The following ABCA2 variants were observed in gnomAD, a reference collection of about 807,000 sequenced individuals.
ABCA2 encodes ATP-binding cassette sub-family A member 2.
In ABCA2, 84 loss-of-function variants were observed where a neutral mutation model predicts 262.8. The observed-to-expected ratio is 0.32, with a 90% CI of 0.27 to 0.38. The LOEUF (loss-of-function observed/expected upper bound fraction) is 0.38, where lower values mean the gene tolerates loss of function less well. Ranked by LOEUF, ABCA2 falls within the 10% of genes least tolerant of loss-of-function variation. ABCA2 has a pLI of 1.00. For synonymous variants in ABCA2, 1,696 were observed against 1,502.9 expected (o/e 1.13, Z -2.97); for missense variants, 2,662 against 3,405.9 (o/e 0.78, Z 5.44).
chr9:137,021,309 C>T lies in ABCA2; in HGVS notation c.897+83G>A. ...CCACGCACAGCCTGGGCCCAGGAGC[C>T]CTGAGCTCTCCAAGCGGTCCCAGCC... On this transcript the variant is annotated intron_variant, in intron 8 of 48. Transcript: ENST00000341511. This position sits in a 1 kb window ranked among gnomAD's most constrained non-coding sequence, Gnocchi z 6.0. The T allele has an allele frequency of 1.3e-6, 2 of 1,522,516 alleles. No individual in the cohort carries two copies. Among genetic ancestry groups the T allele is most frequent in the Non-Finnish European group, 8.9e-7 (1 of 1,127,544 alleles). 94.3% of individuals were successfully genotyped at this position (1,522,516 alleles called of 1,614,324 possible). A position where few individuals can be genotyped will look rare whatever the true frequency, so the allele number is the denominator to read the frequency against.
At position 137,011,449 on chromosome 9, in the gene ABCA2, G is replaced by A. The variant is rs999967423; in HGVS notation, c.5757C>T (p.Ala1919=). Reference sequence around the variant, plus strand: ...GCTGTAGCAGGAAGGTGGCCACGGTGGCGGTGATGCCGATGAAGAGATTGA... The same window carrying A: ...GCTGTAGCAGGAAGGTGGCCACGGTAGCGGTGATGCCGATGAAGAGATTGA... ...IVINLFIGIT[A]TVATFLLQLF... is the part of the protein sequence containing the mutation. Residue 1919 remains alanine (A), a synonymous_variant, in exon 37 of 49, where the codon GCC becomes GCT. Transcript: ENST00000341511. This position sits in a 1 kb window ranked among gnomAD's most constrained non-coding sequence, Gnocchi z 8.8. 3 of 1,611,074 alleles carry A rather than the reference G, an allele frequency of 1.9e-6. No individual in the cohort carries two copies. The highest frequency in any genetic ancestry group is 2.2e-5 in the South Asian group (2 of 90,812).
In ABCA2 at chr9:137,021,991, A is replaced by G; in HGVS notation, c.578T>C (p.Leu193Pro). 7.6e-7 allele frequency: 1 copy of G among 1,316,350 alleles called. No individual in the cohort carries two copies. Among genetic ancestry groups the G allele is most frequent in the East Asian group, 3.2e-5 (1 of 31,360 alleles). 81.5% of individuals were successfully genotyped at this position (1,316,350 alleles called of 1,614,324 possible). The change falls in exon 7 of 49, where the codon CTG (leucine) becomes CCG (proline). Residue 193 changes from leucine to proline, a missense_variant. By Grantham distance (98) the Leu-to-Pro change is moderately conservative. This residue lies in a region of ABCA2 where 403 missense variants were observed against 375.9 expected (regional missense o/e 1.07). Coordinates refer to ENST00000341511, the MANE Select transcript of ABCA2 (RefSeq NM_001606.5). The surrounding 1 kb of genome is among the most constrained non-coding windows in gnomAD (Gnocchi z 6.0). ...CAGGGCAGATGAGGGACCAAAGAGC[A>G]GGTGGTAGACCTAGGAGGTGTGGGG... is the stretch of plus-strand genomic sequence containing the variant. Reference protein sequence around the residue: ...ARVDPPEVYHLLFGPSSALDS... With the variant: ...ARVDPPEVYHPLFGPSSALDS...
chr9:137,015,946 C>T lies in ABCA2; in HGVS notation c.3317+16G>A, dbSNP rs563175775. ...GCCTCCGCCCACCTGCCCCGCCCCC[C>T]GCCCAGCCCACCCACTTGTCCATCT... is the stretch of plus-strand genomic sequence containing the variant. On this transcript the variant is annotated intron_variant, in intron 22 of 48. Transcript: ENST00000341511. 3.3e-4 allele frequency: 162 copies of T among 484,336 alleles called. No homozygotes were observed. The highest frequency in any genetic ancestry group is 1.4e-3 in the East Asian group (24 of 16,630). The allele number at this position is 484,336 out of a possible 1,614,324, so 30.0% of individuals were successfully genotyped here.
chr9:137,028,608 C>G, upstream of ABCA2: 1 of 1,052,772 alleles, frequency 9.5e-7, no homozygotes, highest in African/African-American at 1.8e-5. This position sits in a 1 kb window ranked among gnomAD's most constrained non-coding sequence, Gnocchi z 6.9. Context: ...CCCAAGCCTT[C>G]ACTGTCCCCG....
Position 137,015,645 on chromosome 9 carries a change from G to A in ABCA2, c.3514+30C>T, listed in dbSNP as rs140948908. 3,872 of 1,609,688 alleles carry A rather than the reference G, an allele frequency of 2.4e-3. 4 individuals are homozygous for A. Among genetic ancestry groups the A allele is most frequent in the Non-Finnish European group, 2.9e-3 (3,449 of 1,178,630 alleles). ...TCAGGGGGCAGGGGAGGCGCCGCCC[G>A]CACCCCTGCCCACACGGCACCCCAC... On this transcript the variant is annotated intron_variant, in intron 23 of 48. Coordinates refer to ENST00000341511, the MANE Select transcript of ABCA2 (RefSeq NM_001606.5).
rs752036670 is a variant in ABCA2 at position 137,007,975 on chromosome 9, G to A, written c.7276-11C>T. On this transcript the variant is annotated splice_polypyrimidine_tract_variant and intron_variant, in intron 48 of 48. Transcript: ENST00000341511. The stretch of plus-strand genomic sequence containing the variant: ...GAAGGACAGCTGGGCCTGTGCACAG[G>A]GGAGGTCAGGCTTATGGGGCATCCT... 196 of 1,603,024 alleles carry A rather than the reference G, an allele frequency of 1.2e-4. No individual in the cohort carries two copies. The highest frequency in any genetic ancestry group is 1.6e-4 in the Non-Finnish European group (192 of 1,179,226).
At position 137,013,233 on chromosome 9, in the gene ABCA2, T is replaced by C; in HGVS notation, c.4636A>G (p.Lys1546Glu). 1 of 1,601,442 alleles carries C rather than the reference T, an allele frequency of 6.2e-7. No homozygotes were observed. The highest frequency in any genetic ancestry group is 8.5e-7 in the Non-Finnish European group (1 of 1,177,312). ...PSGVGATCVLKSPANGSLGPT... is the reference protein window; with the variant it reads ...PSGVGATCVLESPANGSLGPT... ...CCCAGCGAGCCGTTGGCGGGAGACTTGAGCACGCAGGTGGCACCCACCCCC... is the reference window on the plus strand; with the variant it reads ...CCCAGCGAGCCGTTGGCGGGAGACTCGAGCACGCAGGTGGCACCCACCCCC... The change falls in exon 30 of 49, where the codon AAG (lysine) becomes GAG (glutamate). Residue 1546 changes from lysine to glutamate, a missense_variant. This residue lies in a region of ABCA2 where 192 missense variants were observed against 207.2 expected (regional missense o/e 0.93). Transcript: ENST00000341511.
Position 137,013,936 on chromosome 9 carries a change from A to T in ABCA2, c.4343T>A (p.Phe1448Tyr). ...CTTGGAGTTGCGGCGGGCGCAGTGG[A>T]AGCGTTTGACCAGCAGCCCGTGGAA... ...RQFHGLLVKR[F>Y]HCARRNSKAL... is the part of the protein sequence containing the mutation. The change falls in exon 28 of 49, where the codon TTC becomes TAC. Residue 1448 changes from phenylalanine (F) to tyrosine (Y), a missense_variant. Physicochemically the swap from Phe to Tyr is conservative, Grantham distance 22. This residue lies in a region of ABCA2 where 75 missense variants were observed against 118.3 expected (regional missense o/e 0.63). Transcript: ENST00000341511. The T allele has an allele frequency of 6.2e-7, 1 of 1,610,612 alleles. No homozygotes were observed. The highest frequency in any genetic ancestry group is 1.1e-5 in the South Asian group (1 of 90,894).
intron 10 of ABCA2, 110 bp downstream of exon 10, chr9:137,020,226 G>C: frequency 6.8e-7 from 1 of 1,466,744 alleles, no homozygotes; most frequent in East Asian, 2.3e-5. Flanking sequence ...GCTGCACCCC[G>C]TACCCCTCCC....
At position 137,013,303 on chromosome 9, in the gene ABCA2, G is replaced by A. The variant is rs534868005; in HGVS notation, c.4566C>T (p.Pro1522=). Residue 1522 remains proline (P), a synonymous_variant, in exon 30 of 49, where the codon CCC becomes CCT. Transcript: ENST00000341511. ...ERREYRLRLS[P]DASPQQLVST... ...TCACGAGCTGCTGGGGGCTGGCGTC[G>A]GGCGATAGCCGCAGCCTGCGGGCAC... The A allele has an allele frequency of 1.5e-5, 23 of 1,558,474 alleles. No homozygotes were observed. Among genetic ancestry groups the A allele is most frequent in the African/African-American group, 1.4e-4 (10 of 73,922 alleles).
At chr9:137,017,464 G>A (rs1157522380) in intron 17 of ABCA2, 38 bp downstream of exon 17, 10 of 1,597,236 alleles carry the variant, frequency 6.3e-6, no homozygotes, top group Non-Finnish European at 8.6e-6. Flanking sequence ...CTGGGCAAGT[G>A]CCTGCCCCAG....
chr9:137,021,409 C>G lies in ABCA2; in HGVS notation c.880G>C (p.Ala294Pro), dbSNP rs764716935. Residue 294 changes from alanine to proline, a missense_variant, in exon 8 of 49, where the codon GCC becomes CCC. By Grantham distance (27) the Ala-to-Pro change is conservative (BLOSUM62 -1). Coordinates refer to ENST00000341511, the MANE Select transcript of ABCA2 (RefSeq NM_001606.5). The surrounding 1 kb of genome is among the most constrained non-coding windows in gnomAD (Gnocchi z 6.0). The stretch of plus-strand genomic sequence containing the variant: ...GGCCTCACCTGCTGGGAGACCTTGG[C>G]CACGTCCAGCTGGTTCCGGAGCTCA... Reference protein sequence around the residue: ...SAELRNQLDVAKVSQQLGLDA... With the variant: ...SAELRNQLDVPKVSQQLGLDA... 1.2e-6 allele frequency: 2 copies of G among 1,608,434 alleles called. No homozygotes were observed. Among genetic ancestry groups the G allele is most frequent in the Admixed American group, 3.3e-5 (2 of 60,006 alleles).
intron 26 of ABCA2, 83 bp from the exon 27 acceptor site, chr9:137,014,487 CCA>C: frequency 6.8e-7 from 1 of 1,479,594 alleles, no homozygotes; most frequent in Admixed American, 2.0e-5. Flanking sequence ...GGTCTTGACC[CCA>C]GTTCCCAGGC....
Position 137,013,069 on chromosome 9 carries a change from G to A in ABCA2, c.4800C>T (p.Asp1600=). Reference sequence around the variant, plus strand: ...GGTCCTCATCCGGGGACGCTGGCGAGTCAGATGGGGCGGGCGAGGGTGGGG... The same window carrying A: ...GGTCCTCATCCGGGGACGCTGGCGAATCAGATGGGGCGGGCGAGGGTGGGG... The part of the protein sequence containing the change: ...VPPPPSPAPS[D]SPASPDEDLQ... Residue 1600 remains aspartate (D), a synonymous_variant, in exon 30 of 49, where the codon GAC becomes GAT. Transcript: ENST00000341511. The A allele has an allele frequency of 6.4e-7, 1 of 1,563,066 alleles. No individual in the cohort carries two copies. Among genetic ancestry groups the A allele is most frequent in the South Asian group, 1.2e-5 (1 of 86,262 alleles).
chr9:137,013,310 A>T lies in ABCA2; in HGVS notation c.4559T>A (p.Leu1520Gln), dbSNP rs558060755. 12 of 1,552,688 alleles carry T rather than the reference A, an allele frequency of 7.7e-6. No homozygotes were observed. The South Asian group carries it at 1.1e-4, about 14-fold the overall frequency. Residue 1520 changes from leucine to glutamine, a missense_variant, in exon 30 of 49, where the codon CTA becomes CAA. This residue lies in a region of ABCA2 where 192 missense variants were observed against 207.2 expected (regional missense o/e 0.93). Transcript: ENST00000341511. ...NEERREYRLR[L>Q]SPDASPQQLV... Reference sequence around the variant, plus strand: ...CTGCTGGGGGCTGGCGTCGGGCGATAGCCGCAGCCTGCGGGCACCGACAGT... The same window carrying T: ...CTGCTGGGGGCTGGCGTCGGGCGATTGCCGCAGCCTGCGGGCACCGACAGT...
rs534251461 is a variant in ABCA2, at chr9:137,016,433, G to A, written c.2962C>T (p.Pro988Ser). ...AGTTTGTCCACGCAGACAACCAGAGGCAGGTGGGTGGGCTCCTCCTCCATG... is the reference window on the plus strand; with the variant it reads ...AGTTTGTCCACGCAGACAACCAGAGACAGGTGGGTGGGCTCCTCCTCCATG... ...RGMEEEPTHL[P>S]LVVCVDKLTK... Residue 988 changes from proline to serine, a missense_variant, in exon 21 of 49, where the codon CCT becomes TCT. Pro to Ser is a moderately conservative substitution (Grantham distance 74). Coordinates refer to ENST00000341511, the MANE Select transcript of ABCA2 (RefSeq NM_001606.5). 22 of 1,612,806 alleles carry A rather than the reference G, an allele frequency of 1.4e-5. No individual in the cohort carries two copies. In the South Asian group the frequency reaches 2.4e-4, roughly 18 times the overall value.
At chr9:137,025,821 C>G (rs575922634) in intron 1 of ABCA2, among the ~76,000 whole-genome samples, 1 of 152,316 alleles carries the variant, frequency 6.6e-6, no homozygotes, top group East Asian at 1.9e-4. Context: ...CTCGCACGAG[C>G]TACTGGGAGG....
At chr9:137,027,033 T>C (rs142117920) in intron 1 of ABCA2, among the ~76,000 whole-genome samples, 188 of 152,324 alleles carry the variant, frequency 1.2e-3, no homozygotes, top group African/African-American at 4.4e-3. Flanking sequence ...CTGCAGTGCA[T>C]GTTGAAAGAT....
rs1831022178 is a variant in ABCA2, at chr9:137,011,032, C to T, written c.5997G>A (p.Glu1999=). The stretch of plus-strand genomic sequence containing the variant: ...TGGTCAGGAGGAAGCCCACGACGCC[C>T]TCAACCGCCATGGCCACCAGTCCGC... ...VTRGLVAMAV[E]GVVGFLLTIM... The change falls in exon 39 of 49, where the codon GAG becomes GAA. Residue 1999 remains glutamate (E), a synonymous_variant. Transcript: ENST00000341511. This position sits in a 1 kb window ranked among gnomAD's most constrained non-coding sequence, Gnocchi z 8.8. The T allele has an allele frequency of 6.2e-7, 1 of 1,611,344 alleles. No homozygotes were observed. The highest frequency in any genetic ancestry group is 1.3e-5 in the African/African-American group (1 of 74,562).
Sources: gnomAD v4.1 joint callset for allele counts (sites outside exome capture counted in the v4.1 genomes callset) on GRCh38, gnomAD v4.1.1 for gene constraint, gnomAD v4.1.1 regional missense constraint, Gnocchi (gnomAD v3.1) non-coding constraint, MANE v1.5 for transcripts, NCBI Gene and HGNC (gene_info 2026-07-23, HGNC 2026-07-21) for gene names.